The following HLA-DQA1 variants were observed in gnomAD, a reference collection of about 807,000 sequenced individuals.
HLA-DQA1 encodes the protein major histocompatibility complex, class II, DQ alpha 1.
In HLA-DQA1, 10 loss-of-function variants were observed where a neutral mutation model predicts 20.7. That is an observed-to-expected ratio of 0.48 (90% CI 0.30 to 0.82). The LOEUF (loss-of-function observed/expected upper bound fraction) is 0.82. HLA-DQA1 is among the 40% of genes least tolerant of loss of function. HLA-DQA1 has a pLI of 0.07. For missense variants in HLA-DQA1, 127 were observed against 293.0 expected (o/e 0.43, Z 4.14); for synonymous variants, 39 against 109.2 (o/e 0.36, Z 4.01).
chr6:32,643,468 A>T lies in HLA-DQA1; in HGVS notation c.*537A>T. The T allele has an allele frequency of 4.9e-6, 1 of 204,388 alleles. No homozygotes were observed. 12.7% of individuals were successfully genotyped at this position (204,388 alleles called of 1,614,324 possible). A position where few individuals can be genotyped will look rare whatever the true frequency, so the allele number is the denominator to read the frequency against. ...ATATTTCTTGCTTCCTTGTGTTCCCACCCTTGGCACTGCCACCCACCCCTC... is the reference window on the plus strand; with the variant it reads ...ATATTTCTTGCTTCCTTGTGTTCCCTCCCTTGGCACTGCCACCCACCCCTC... On this transcript the variant is annotated 3_prime_UTR_variant, in exon 5 of 5. Coordinates refer to ENST00000343139, the MANE Select transcript of HLA-DQA1 (RefSeq NM_002122.5).
At chr6:32,637,871 ATGAAGTGTCATTCTCAAATT>A (rs1781003571) in intron 1 of HLA-DQA1, among the ~76,000 whole-genome samples, 1 of 107,602 alleles carries the variant, frequency 9.3e-6, no homozygotes, top group Non-Finnish European at 2.0e-5. Flanking sequence ...TTAAAAATTT[ATGAAGTGTCATTCTCAAATT>A]TCCCTGAACA....
intron 1 of HLA-DQA1, 103 bp from the exon 2 acceptor site, chr6:32,641,205 ATG>A (rs67715515): frequency 0.15 from 108,027 of 717,338 alleles, 26,879 homozygotes; most frequent in Admixed American, 0.29. Context: ...GTGCCAAAAA[ATG>A]AAGCCCATAA....
chr6:32,640,404 A>G (rs9272633), intron 1 of HLA-DQA1, among the ~76,000 whole-genome samples: 17,005 of 71,372 alleles, frequency 0.24, 5,335 homozygotes, highest in Admixed American at 0.31. Context: ...GTCTTGACAA[A>G]AAAGTCCAGT....
At chr6:32,642,518 C>A in intron 3 of HLA-DQA1, 92 bp from the exon 4 acceptor site, 1 of 1,096,986 alleles carries the variant, frequency 9.1e-7, no homozygotes, top group Non-Finnish European at 1.4e-6. Context: ...GGCCTTGAGT[C>A]TTTGCAGAGC....
chr6:32,654,287 C>T, the HLA-DQA1 span, among the ~76,000 whole-genome samples: 1 of 39,972 alleles, frequency 2.5e-5, no homozygotes, highest in African/African-American at 7.9e-5. Context: ...CAGAACTAGG[C>T]CCTGTCTCAA....
downstream of HLA-DQA1, chr6:32,646,862 A>G (rs1781960052): frequency 3.0e-5 from 3 of 98,718 alleles, 1 homozygote; most frequent in African/African-American, 1.0e-4. Flanking sequence ...TTCAGCAACA[A>G]TTCAAGAGAG....
At chr6:32,646,657 A>T (rs1781941131), downstream of HLA-DQA1, 2 of 107,744 alleles carry the variant, frequency 1.9e-5, 1 homozygote, top group Non-Finnish European at 4.1e-5. Context: ...GACTTGAAGA[A>T]TTAAACATTT....
intron 1 of HLA-DQA1, chr6:32,639,995 A>C (rs999552829): frequency 1.0e-5 from 1 of 98,046 alleles, no homozygotes; most frequent in African/African-American, 3.5e-5. Flanking sequence ...CATGTTGATG[A>C]GAGGACTCAG....
At chr6:32,647,875 A>C (rs17843583), downstream of HLA-DQA1, among the ~76,000 whole-genome samples, 85,497 of 150,874 alleles carry the variant, frequency 0.57, 24,478 homozygotes, top group Middle Eastern at 0.69. Flanking sequence ...CTTTGTTATG[A>C]GTATCATTAA....
In HLA-DQA1 at chr6:32,643,024, T is replaced by A. The variant is rs573469762; in HGVS notation, c.*93T>A. The A allele has an allele frequency of 5.1e-6, 2 of 395,688 alleles. No homozygotes were observed. The highest frequency in any genetic ancestry group is 5.5e-5 in the African/African-American group (2 of 36,430). The allele number at this position is 395,688 out of a possible 1,614,324, so 24.5% of individuals were successfully genotyped here. On this transcript the variant is annotated 3_prime_UTR_variant, in exon 5 of 5. Transcript: ENST00000343139. The stretch of plus-strand genomic sequence containing the variant: ...TAGCACTATTCTCTGGCCCGATTTA[T>A]CATATCCCTTTTCTCCTCCAAATAT...
At chr6:32,644,097 G>T (rs9273034), downstream of HLA-DQA1, 85,762 of 151,146 alleles carry the variant, frequency 0.57, 24,586 homozygotes, top group Middle Eastern at 0.7. Context: ...AGGAAAGCAT[G>T]AGCTTATGAG....
downstream of HLA-DQA1, among the ~76,000 whole-genome samples, chr6:32,651,615 ATGTAATATGTGGTAGAAAAGCT>A (rs1782193584): frequency 1.1e-5 from 1 of 87,670 alleles, no homozygotes; most frequent in African/African-American, 3.9e-5. Flanking sequence ...AGACAATGAA[ATGTAATATGTGGTAGAAAAGCT>A]AAAACAGAGA....
chr6:32,653,514 G>A, the HLA-DQA1 span, among the ~76,000 whole-genome samples: 3 of 95,822 alleles, frequency 3.1e-5, 1 homozygote, highest in South Asian at 3.2e-4. Context: ...CACCCACCTC[G>A]GCCTCCCACG....
the HLA-DQA1 span, among the ~76,000 whole-genome samples, chr6:32,654,271 T>C: frequency 0.12 from 7,318 of 58,902 alleles, 1,228 homozygotes; most frequent in Middle Eastern, 0.24. Flanking sequence ...ACCACTGCAT[T>C]CCAGCCAGAA....
At chr6:32,647,833 C>A (rs1782033335), downstream of HLA-DQA1, among the ~76,000 whole-genome samples, 1 of 151,902 alleles carries the variant, frequency 6.6e-6, no homozygotes, top group African/African-American at 2.4e-5. Flanking sequence ...CAAAAATGGT[C>A]ATGGAGTACC....
downstream of HLA-DQA1, chr6:32,646,052 T>C (rs1781887304): frequency 6.6e-6 from 1 of 150,820 alleles, no homozygotes; most frequent in Non-Finnish European, 1.5e-5. Context: ...ATTTACGTAA[T>C]GTTAAAATAG....
chr6:32,641,043 C>T (rs9272670), intron 1 of HLA-DQA1, among the ~76,000 whole-genome samples: 15,111 of 77,886 alleles, frequency 0.19, 3,227 homozygotes, highest in Middle Eastern at 0.33. Flanking sequence ...AAGTCCATGA[C>T]ATGCCAGGCA....
At chr6:32,650,897 C>CTTTT (rs70996709), downstream of HLA-DQA1, among the ~76,000 whole-genome samples, 1 of 67,028 alleles carries the variant, frequency 1.5e-5, no homozygotes, top group African/African-American at 5.1e-5. Context: ...ATAAAGAATT[C>CTTTT]TTTTTTTTTT....
At chr6:32,637,806 A>G (rs9272460) in intron 1 of HLA-DQA1, among the ~76,000 whole-genome samples, 37,243 of 109,566 alleles carry the variant, frequency 0.34, 10,500 homozygotes, top group East Asian at 0.48. Flanking sequence ...ATGTCGTTCC[A>G]TCATGATTGC....
Sources: gnomAD v4.1 joint callset for allele counts (sites outside exome capture counted in the v4.1 genomes callset) on GRCh38, gnomAD v4.1.1 for gene constraint, MANE v1.5 for transcripts, NCBI Gene and HGNC (gene_info 2026-07-23, HGNC 2026-07-21) for gene names.